The following KPNA3 variants were observed in gnomAD, a reference collection of about 807,000 sequenced individuals.
KPNA3 encodes the protein importin subunit alpha-4.
A neutral mutation model predicts 73.8 loss-of-function variants in KPNA3; 13 were observed. That is an observed-to-expected ratio of 0.18 (90% CI 0.11 to 0.28). The LOEUF is 0.28. KPNA3 is among the 10% of genes least tolerant of loss of function. The pLI is 1.00. For synonymous variants in KPNA3, 186 were observed against 206.9 expected (o/e 0.90, Z 0.87); for missense variants, 360 against 618.1 (o/e 0.58, Z 4.43).
chr13:49,746,574 G>A (rs116450678), intron 2 of KPNA3, among the ~76,000 whole-genome samples: 4,154 of 152,306 alleles, frequency 0.027, 185 homozygotes, highest in African/African-American at 0.094. Flanking sequence ...AATAGCAGTT[G>A]CTTTCAGTTG....
intron 1 of KPNA3, among the ~76,000 whole-genome samples, chr13:49,786,414 T>C (rs1248698549): frequency 6.6e-6 from 1 of 152,038 alleles, no homozygotes; most frequent in Non-Finnish European, 1.5e-5. Context: ...AGGAAAACAC[T>C]AGAGAGGAGG....
intron 1 of KPNA3, among the ~76,000 whole-genome samples, chr13:49,761,913 C>T (rs565490916): frequency 2.0e-5 from 3 of 150,764 alleles, no homozygotes; most frequent in South Asian, 2.1e-4. Context: ...AGGTGAGGAG[C>T]GTCTCTGCCC....
At chr13:49,758,329 AAAG>A (rs1474327242) in intron 1 of KPNA3, among the ~76,000 whole-genome samples, 5 of 152,330 alleles carry the variant, frequency 3.3e-5, no homozygotes, top group Middle Eastern at 3.4e-3. Context: ...CCCTAAAAAT[AAAG>A]AAATGAACCT....
intron 1 of KPNA3, among the ~76,000 whole-genome samples, chr13:49,773,508 T>C (rs1010383546): frequency 6.6e-6 from 1 of 152,226 alleles, no homozygotes; most frequent in Admixed American, 6.5e-5. Context: ...CTGTGTTGCT[T>C]ATCAACACTT....
At chr13:49,714,259 T>C (rs1471402842) in intron 10 of KPNA3, among the ~76,000 whole-genome samples, 1 of 151,340 alleles carries the variant, frequency 6.6e-6, no homozygotes, top group East Asian at 1.9e-4. Flanking sequence ...ATCTAACTAA[T>C]AAACTGAAAC....
intron 1 of KPNA3, among the ~76,000 whole-genome samples, chr13:49,779,632 C>T (rs1203549625): frequency 1.3e-5 from 2 of 152,324 alleles, no homozygotes; most frequent in Middle Eastern, 3.4e-3. Context: ...CAACACCACC[C>T]TTCTTAACAA....
At chr13:49,790,230 G>T (rs547129814) in intron 1 of KPNA3, among the ~76,000 whole-genome samples, 1 of 152,298 alleles carries the variant, frequency 6.6e-6, no homozygotes, top group African/African-American at 2.4e-5. Context: ...ACTTTGGAAG[G>T]CCGAGGCGGG....
chr13:49,709,522 A>C, intron 12 of KPNA3, 50 bp downstream of exon 12: 1 of 1,482,348 alleles, frequency 6.7e-7, no homozygotes, highest in Non-Finnish European at 9.2e-7. Flanking sequence ...GAGACAGTTA[A>C]AAATGAGACA....
At chr13:49,734,705 A>G (rs1954503138) in intron 2 of KPNA3, among the ~76,000 whole-genome samples, 1 of 152,188 alleles carries the variant, frequency 6.6e-6, no homozygotes, top group Non-Finnish European at 1.5e-5. Context: ...CAGAGTTTGG[A>G]AACTACATCT....
At chr13:49,752,303 A>G (rs1954669632) in intron 1 of KPNA3, among the ~76,000 whole-genome samples, 1 of 152,202 alleles carries the variant, frequency 6.6e-6, no homozygotes, top group South Asian at 2.1e-4. Flanking sequence ...ATCTTGTAAC[A>G]AACAACAGAA....
intron 1 of KPNA3, among the ~76,000 whole-genome samples, chr13:49,754,979 C>CA (rs1566352003): frequency 6.6e-6 from 1 of 151,560 alleles, no homozygotes; most frequent in East Asian, 1.9e-4. Context: ...ATAATCTCTA[C>CA]AAAAAACAGA....
intron 10 of KPNA3, among the ~76,000 whole-genome samples, chr13:49,718,902 T>G (rs1406427786): frequency 6.6e-6 from 1 of 152,122 alleles, no homozygotes; most frequent in Non-Finnish European, 1.5e-5. Flanking sequence ...CAATGATAAA[T>G]TACACACAAT....
chr13:49,760,715 G>A (rs7317608), intron 1 of KPNA3, among the ~76,000 whole-genome samples: 4,191 of 152,184 alleles, frequency 0.028, 194 homozygotes, highest in African/African-American at 0.094. Flanking sequence ...AAACCCGGGC[G>A]GTCAGGCATT....
At chr13:49,768,278 C>CAAAA (rs35217633) in intron 1 of KPNA3, among the ~76,000 whole-genome samples, 4 of 94,824 alleles carry the variant, frequency 4.2e-5, no homozygotes, top group East Asian at 2.8e-4. Flanking sequence ...GACTCTGTCT[C>CAAAA]AAAAAAAAAA....
intron 1 of KPNA3, among the ~76,000 whole-genome samples, chr13:49,770,588 T>C (rs1954844864): frequency 1.4e-5 from 2 of 143,770 alleles, no homozygotes; most frequent in African/African-American, 5.2e-5. Flanking sequence ...AAGGTGGTAC[T>C]ATGAAACCAG....
intron 1 of KPNA3, among the ~76,000 whole-genome samples, chr13:49,776,334 C>T (rs1954898237): frequency 6.6e-6 from 1 of 152,182 alleles, no homozygotes; most frequent in South Asian, 2.1e-4. Context: ...TAGTCCCTGA[C>T]AGTAACTTTA....
chr13:49,776,891 TAC>T (rs756967989), intron 1 of KPNA3, among the ~76,000 whole-genome samples: 9 of 152,224 alleles, frequency 5.9e-5, no homozygotes, highest in Non-Finnish European at 1.3e-4. Context: ...GTTTCAAATT[TAC>T]AGTCAGTTCA....
chr13:49,792,682 T>G lies in KPNA3; in HGVS notation c.-176A>C. ...AGCGCCGGGGGAGGCGCGGGCCGAC[T>G]GCCGGGCCGGGTGGGGCGGGAACGG... On this transcript the variant is annotated 5_prime_UTR_variant, in exon 1 of 17. Transcript: ENST00000261667. 5.8e-4 allele frequency: 195 copies of G among 333,992 alleles called. No homozygotes were observed. Among genetic ancestry groups the G allele is most frequent in the East Asian group, 2.9e-3 (25 of 8,740 alleles). The allele number at this position is 333,992 out of a possible 1,614,324, so 20.7% of individuals were successfully genotyped here. A position where few individuals can be genotyped will look rare whatever the true frequency, so the allele number is the denominator to read the frequency against.
At chr13:49,702,215 C>G (rs1954154828) in intron 16 of KPNA3, among the ~76,000 whole-genome samples, 171 bp downstream of exon 16, 1 of 151,988 alleles carries the variant, frequency 6.6e-6, no homozygotes, top group Admixed American at 6.6e-5. Flanking sequence ...ACAACTTTAC[C>G]TTATAATGAA....
Sources: gnomAD v4.1 joint callset for allele counts (sites outside exome capture counted in the v4.1 genomes callset) on GRCh38, gnomAD v4.1.1 for gene constraint, MANE v1.5 for transcripts, NCBI Gene and HGNC (gene_info 2026-07-23, HGNC 2026-07-21) for gene names.